Variants in CD99 observed in about 807,000 individuals in gnomAD.
The protein encoded by CD99 is CD99 antigen.
A neutral mutation model predicts 28.4 loss-of-function variants in CD99; 19 were observed. The ratio of observed to expected loss-of-function variants is 0.67; its 90% CI spans 0.47 to 0.98. The LOEUF is 0.98. Ranked by LOEUF, CD99 falls within the 50% of genes least tolerant of loss-of-function variation. The probability of loss-of-function intolerance (pLI) is 0.00; values close to 1 mark genes in which losing one functional copy is unlikely to be tolerated. For synonymous variants in CD99, 103 were observed against 92.1 expected (o/e 1.12, Z -0.67); for missense variants, 283 against 248.8 (o/e 1.14, Z -0.92).
intron 1 of CD99, among the ~76,000 whole-genome samples, chrX:2,710,920 G>A (rs2048369565): frequency 7.0e-6 from 1 of 143,448 alleles, no homozygotes; most frequent in Non-Finnish European, 1.5e-5. Context: ...ACCCAGGCTG[G>A]AGTGCAGTGG....
At chrX:2,734,521 G>C (rs1362857832) in intron 8 of CD99, among the ~76,000 whole-genome samples, 2 of 151,870 alleles carry the variant, frequency 1.3e-5, no homozygotes, top group African/African-American at 4.8e-5. Context: ...TGGCCAGGCT[G>C]ATCTCGAACT....
In CD99 at chrX:2,731,483, G is replaced by A. The variant is rs770438131; in HGVS notation, c.475+5110G>A. Among the ~76,000 whole-genome samples the A allele has an allele frequency of 1.3e-3, 191 of 152,244 alleles. 1 individual carries two copies. The highest frequency in any genetic ancestry group is 3.7e-3 in the African/African-American group (152 of 41,540). On this transcript the variant is annotated intron_variant, in intron 8 of 9. Transcript: ENST00000381192. ...TGCACACATGTATTTCCAGGTACTC[G>A]GGAGGCTGAGGCAGGAGAATCGCTT...
At chrX:2,730,023 G>A (rs776501134) in intron 8 of CD99, among the ~76,000 whole-genome samples, 25 of 151,974 alleles carry the variant, frequency 1.6e-4, no homozygotes, top group East Asian at 3.9e-4. Context: ...GCGTGCTTGC[G>A]CCTGCCTGTG....
chrX:2,717,941 T>C (rs2048810430), intron 3 of CD99: 5 of 61,436 alleles, frequency 8.1e-5, no homozygotes, highest in African/African-American at 7.9e-5. Context: ...TCTTCCCTTT[T>C]TTTTTTTTTT....
chrX:2,711,030 C>T (rs891288183), intron 1 of CD99, among the ~76,000 whole-genome samples: 1 of 150,778 alleles, frequency 6.6e-6, no homozygotes, highest in African/African-American at 2.4e-5. Flanking sequence ...ATCACCACGC[C>T]TGGCCAATTT....
intron 8 of CD99, among the ~76,000 whole-genome samples, chrX:2,730,491 A>G (rs1295213086): frequency 6.6e-6 from 1 of 152,124 alleles, no homozygotes; most frequent in Admixed American, 6.5e-5. Context: ...ATTTTTTTTA[A>G]AAAAGCATCC....
chrX:2,740,049 G>A (rs1465293892), intron 9 of CD99, among the ~76,000 whole-genome samples: 3 of 151,770 alleles, frequency 2.0e-5, no homozygotes, highest in Non-Finnish European at 4.4e-5. Context: ...CCAAGATTGC[G>A]CCATTGCACT....
chrX:2,696,456 G>A (rs2047578658), intron 1 of CD99, among the ~76,000 whole-genome samples: 1 of 152,036 alleles, frequency 6.6e-6, no homozygotes, highest in South Asian at 2.1e-4. Flanking sequence ...GCTGGAGTGC[G>A]ATGGTGCGAT....
intron 1 of CD99, among the ~76,000 whole-genome samples, chrX:2,714,123 G>T: frequency 6.6e-6 from 1 of 152,234 alleles, no homozygotes; most frequent in Middle Eastern, 3.4e-3. Context: ...TTATTCATCT[G>T]TTTGAAAGGA....
At chrX:2,716,837 G>C (rs2048746565) in intron 2 of CD99, among the ~76,000 whole-genome samples, 1 of 152,188 alleles carries the variant, frequency 6.6e-6, no homozygotes, top group Admixed American at 6.5e-5. Context: ...TTGCCTGATT[G>C]GCTTCCATTC....
At chrX:2,712,480 G>A (rs55999924) in intron 1 of CD99, among the ~76,000 whole-genome samples, 61,967 of 151,760 alleles carry the variant, frequency 0.41, 14,244 homozygotes, top group Non-Finnish European at 0.53. Context: ...ATGAACATGA[G>A]TGCATATATA....
At chrX:2,700,161 T>C (rs911420263) in intron 1 of CD99, among the ~76,000 whole-genome samples, 12 of 152,162 alleles carry the variant, frequency 7.9e-5, no homozygotes, top group African/African-American at 2.7e-4. Context: ...GGCACGGCCT[T>C]GTGGACCTTG....
chrX:2,718,515 G>C, intron 3 of CD99, among the ~76,000 whole-genome samples: 1 of 152,154 alleles, frequency 6.6e-6, no homozygotes, highest in East Asian at 1.9e-4. Flanking sequence ...ACTACAGGCA[G>C]CGGCCACCAC....
intron 1 of CD99, among the ~76,000 whole-genome samples, chrX:2,696,202 T>C (rs1231742467): frequency 1.3e-5 from 2 of 152,200 alleles, no homozygotes; most frequent in East Asian, 3.8e-4. Context: ...AGGCTGGTTA[T>C]TGAAGCTTGT....
At chrX:2,703,078 C>T (rs5982835) in intron 1 of CD99, among the ~76,000 whole-genome samples, 6,759 of 152,192 alleles carry the variant, frequency 0.044, 179 homozygotes, top group African/African-American at 0.076. Context: ...CGTGAGCCAC[C>T]ACACCTGGCC....
intron 8 of CD99, among the ~76,000 whole-genome samples, chrX:2,736,139 T>C (rs2049923966): frequency 6.7e-6 from 1 of 149,848 alleles, no homozygotes; most frequent in Non-Finnish European, 1.5e-5. Context: ...GAGGCGGAGG[T>C]TGCAGTGAGC....
chrX:2,715,866 C>T (rs1044999963), intron 2 of CD99, among the ~76,000 whole-genome samples: 1 of 152,078 alleles, frequency 6.6e-6, no homozygotes, highest in African/African-American at 2.4e-5. Flanking sequence ...TATAAGGGCA[C>T]CAGTCATTAG....
rs191374062 is a variant in CD99 at position 2,719,190 on chromosome X, G to A, written c.149-471G>A. ...AGCACATATGGGTTGCTAGAGCCAT[G>A]TTTTAGACACCCTCTAGCCTAAATC... On this transcript the variant is annotated intron_variant, in intron 3 of 9. Transcript: ENST00000381192. 4.8e-3 allele frequency: 757 copies of A among 158,702 alleles called. 2 individuals are homozygous for A. The highest frequency in any genetic ancestry group is 8.5e-3 in the Non-Finnish European group (617 of 72,206). 9.8% of individuals were successfully genotyped at this position (158,702 alleles called of 1,614,324 possible).
intron 1 of CD99, among the ~76,000 whole-genome samples, chrX:2,706,135 G>T (rs755764569): frequency 6.6e-6 from 1 of 152,044 alleles, no homozygotes; most frequent in African/African-American, 2.4e-5. Flanking sequence ...CGAGGCGGGC[G>T]GATCACGAGT....
Sources: allele counts gnomAD v4.1 joint callset (sites outside exome capture counted in the v4.1 genomes callset), GRCh38; gene constraint gnomAD v4.1.1; transcripts MANE v1.5; gene names NCBI Gene and HGNC (gene_info 2026-07-23, HGNC 2026-07-21).